NKAIN2: variants seen among roughly 807,000 people sequenced by gnomAD.
NKAIN2 encodes sodium/potassium transporting ATPase interacting 2.
In NKAIN2, 14 loss-of-function variants were observed where a neutral mutation model predicts 32.6. That is an observed-to-expected ratio of 0.43 (90% CI 0.28 to 0.67). The LOEUF (loss-of-function observed/expected upper bound fraction) is 0.67. Among genes scored for constraint, NKAIN2 ranks in the 30% least tolerant of loss-of-function variants. The pLI is 0.17. For missense variants in NKAIN2, 198 were observed against 258.3 expected, an observed-to-expected ratio of 0.77 and a Z score of 1.60; for synonymous variants, 80 against 87.2, an observed-to-expected ratio of 0.92 and a Z score of 0.46.
intron 1 of NKAIN2, among the ~76,000 whole-genome samples, chr6:124,021,136 A>G (rs1039935239): frequency 1.3e-5 from 2 of 152,026 alleles, no homozygotes; most frequent in Non-Finnish European, 2.9e-5. Flanking sequence ...CATAACAGTG[A>G]AATTATAGCC....
At chr6:123,950,724 T>A (rs1777286914) in intron 1 of NKAIN2, among the ~76,000 whole-genome samples, 1 of 151,910 alleles carries the variant, frequency 6.6e-6, no homozygotes, top group East Asian at 1.9e-4. Flanking sequence ...ATTTTGTTTA[T>A]CTTTTCAAAA....
intron 4 of NKAIN2, among the ~76,000 whole-genome samples, chr6:124,737,089 G>C (rs1776983060): frequency 6.6e-6 from 1 of 151,806 alleles, no homozygotes; most frequent in South Asian, 2.1e-4. Flanking sequence ...TAGAAGTTTG[G>C]AAGAAGTTGA....
intron 1 of NKAIN2, among the ~76,000 whole-genome samples, chr6:124,180,868 G>C (rs1380638865): frequency 6.6e-6 from 1 of 152,070 alleles, no homozygotes; most frequent in African/African-American, 2.4e-5. Context: ...ACAAACAGTT[G>C]GTGGATCTAC....
intron 1 of NKAIN2, among the ~76,000 whole-genome samples, chr6:123,860,284 TA>T (rs942353327): frequency 4.6e-5 from 7 of 151,832 alleles, no homozygotes; most frequent in African/African-American, 9.7e-5. Context: ...AATTTTTTGT[TA>T]AAAAAAATGC....
intron 1 of NKAIN2, among the ~76,000 whole-genome samples, chr6:124,275,787 C>T (rs966492071): frequency 2.0e-5 from 3 of 151,826 alleles, no homozygotes; most frequent in South Asian, 2.1e-4. Flanking sequence ...AATGATAATG[C>T]ACTAAAACAT....
Position 124,411,437 on chromosome 6 carries a change from A to G in NKAIN2, c.273+56090A>G, listed in dbSNP as rs556546528. 6.1e-3 allele frequency among the ~76,000 whole-genome samples: 928 copies of G among 152,164 alleles called. 5 individuals are homozygous for G. Among genetic ancestry groups the G allele is most frequent in the African/African-American group, 0.021 (890 of 41,480 alleles). On this transcript the variant is annotated intron_variant, in intron 3 of 6. Transcript: ENST00000368417. ...AAAGTATTTTATTTCTCCTTCACTT[A>G]TGAAGCTTAGTTTGGCTGGATATGA...
intron 1 of NKAIN2, among the ~76,000 whole-genome samples, chr6:123,822,313 A>G (rs192199317): frequency 3.9e-5 from 6 of 151,974 alleles, no homozygotes; most frequent in Admixed American, 3.3e-4. Flanking sequence ...CTAGTTCTTT[A>G]TTTGCTATTC....
At chr6:124,233,172 A>G (rs1254401764) in intron 1 of NKAIN2, among the ~76,000 whole-genome samples, 1 of 152,108 alleles carries the variant, frequency 6.6e-6, no homozygotes, top group African/African-American at 2.4e-5. Flanking sequence ...TGTAATATTC[A>G]TACTCTACAT....
intron 3 of NKAIN2, among the ~76,000 whole-genome samples, chr6:124,487,963 T>C (rs1777718607): frequency 6.6e-6 from 1 of 152,124 alleles, no homozygotes; most frequent in Non-Finnish European, 1.5e-5. Flanking sequence ...TTTGAAGAGT[T>C]ATTCAGAGTG....
At chr6:124,498,361 G>C (rs1778149023) in intron 3 of NKAIN2, among the ~76,000 whole-genome samples, 1 of 152,168 alleles carries the variant, frequency 6.6e-6, no homozygotes, top group Non-Finnish European at 1.5e-5. Context: ...TGGAAGGAAA[G>C]GACAGGGTGG....
At chr6:124,420,215 G>A (rs1774685326) in intron 3 of NKAIN2, among the ~76,000 whole-genome samples, 1 of 152,034 alleles carries the variant, frequency 6.6e-6, no homozygotes, top group Non-Finnish European at 1.5e-5. Flanking sequence ...GCATTATGAA[G>A]GACTCCCTTT....
At chr6:124,439,043 C>T (rs1775580408) in intron 3 of NKAIN2, among the ~76,000 whole-genome samples, 1 of 152,144 alleles carries the variant, frequency 6.6e-6, no homozygotes, top group African/African-American at 2.4e-5. Context: ...AACTGTATCT[C>T]AGGCATACAC....
At chr6:124,791,269 A>T in intron 4 of NKAIN2, 70 bp from the exon 5 acceptor site, 1 of 1,173,736 alleles carries the variant, frequency 8.5e-7, no homozygotes, top group Non-Finnish European at 1.3e-6. Context: ...GACTTTGAAA[A>T]GCCACTCTCC....
chr6:124,079,831 G>T (rs1006009430), intron 1 of NKAIN2, among the ~76,000 whole-genome samples: 2 of 151,524 alleles, frequency 1.3e-5, no homozygotes, highest in Non-Finnish European at 2.9e-5. Flanking sequence ...ACAGTCTCCC[G>T]AAACACAGGA....
intron 3 of NKAIN2, among the ~76,000 whole-genome samples, chr6:124,523,270 T>C (rs1198168231): frequency 6.6e-6 from 1 of 152,148 alleles, no homozygotes; most frequent in Admixed American, 6.5e-5. Flanking sequence ...GTTCATATGT[T>C]TTACCTGCCT....
intron 4 of NKAIN2, among the ~76,000 whole-genome samples, chr6:124,770,467 C>A (rs140075914): frequency 1.7e-4 from 26 of 152,288 alleles, no homozygotes; most frequent in African/African-American, 5.5e-4. Context: ...AATCCCATTT[C>A]CATTTCCCCA....
chr6:124,271,689 G>A (rs569690076), intron 1 of NKAIN2, among the ~76,000 whole-genome samples: 120 of 152,318 alleles, frequency 7.9e-4, no homozygotes, highest in African/African-American at 2.8e-3. Context: ...GGTCTTGTAA[G>A]AAGACAGGAA....
chr6:124,147,302 A>C (rs1041423162), intron 1 of NKAIN2, among the ~76,000 whole-genome samples: 1 of 152,190 alleles, frequency 6.6e-6, no homozygotes, highest in African/African-American at 2.4e-5. Context: ...TAACCTTAGA[A>C]GAGTAAACAA....
At position 124,047,919 on chromosome 6, in the gene NKAIN2, G is replaced by T. The variant is rs371953054; in HGVS notation, c.55-235086G>T. 7.2e-5 allele frequency among the ~76,000 whole-genome samples: 11 copies of T among 151,988 alleles called. No homozygotes were observed. In the East Asian group the frequency reaches 2.1e-3, roughly 30 times the overall value. ...TGAAAAAATCTCACCCAGCTCTCAGGGTCCCAGGCCTATGAATCAAATACT... is the reference window on the plus strand; with the variant it reads ...TGAAAAAATCTCACCCAGCTCTCAGTGTCCCAGGCCTATGAATCAAATACT... On this transcript the variant is annotated intron_variant, in intron 1 of 6. Coordinates refer to ENST00000368417, the MANE Select transcript of NKAIN2 (RefSeq NM_001040214.3).
Sources: gnomAD v4.1 joint callset for allele counts (sites outside exome capture counted in the v4.1 genomes callset) on GRCh38, gnomAD v4.1.1 for gene constraint, MANE v1.5 for transcripts, NCBI Gene and HGNC (gene_info 2026-07-23, HGNC 2026-07-21) for gene names.